The following DDX59 variants were observed in gnomAD, a reference collection of about 807,000 sequenced individuals.
The protein encoded by DDX59 is DEAD-box helicase 59.
A neutral mutation model predicts 51.9 loss-of-function variants in DDX59; 30 were observed. The observed-to-expected ratio is 0.58, with a 90% CI of 0.43 to 0.78. The LOEUF (loss-of-function observed/expected upper bound fraction) is 0.78, where lower values mean the gene tolerates loss of function less well. Ranked by LOEUF, DDX59 falls within the 30% of genes least tolerant of loss-of-function variation. The pLI is 0.00. For missense variants in DDX59, 672 were observed against 730.8 expected (o/e 0.92, Z 0.93); for synonymous variants, 255 against 253.3 (o/e 1.01, Z -0.06).
chr1:200,649,488 G>A (rs1661510616), intron 5 of DDX59, among the ~76,000 whole-genome samples: 1 of 151,716 alleles, frequency 6.6e-6, no homozygotes, highest in Non-Finnish European at 1.5e-5. Flanking sequence ...AATTAGCCAC[G>A]CATGGTGGCA....
rs372512251 is a variant in DDX59, at chr1:200,650,613, T to C, written c.1126A>G (p.Asn376Asp). 5 of 1,613,922 alleles carry C rather than the reference T, an allele frequency of 3.1e-6. No individual in the cohort carries two copies. The African/African-American group carries it at 6.7e-5, about 22-fold the overall frequency. ...GAAACCAAAATGGTCTGACAATCAT[T>C]AGGAATGTTTTCCAAAATGTCAAGC... is the stretch of plus-strand genomic sequence containing the variant. The part of the protein sequence containing the change: ...QVLDILENIP[N>D]DCQTILVSAT... The change falls in exon 5 of 8, where the codon AAT becomes GAT. Residue 376 changes from asparagine to aspartate, a missense_variant. Physicochemically the swap from Asn to Asp is conservative, Grantham distance 23. Transcript: ENST00000331314.
chr1:200,651,110 A>G (rs1661632372), intron 4 of DDX59, among the ~76,000 whole-genome samples: 1 of 152,218 alleles, frequency 6.6e-6, no homozygotes, highest in African/African-American at 2.4e-5. Context: ...ATATGTATAT[A>G]CACTCAAGAA....
At chr1:200,651,722 C>T (rs1411351040) in intron 4 of DDX59, among the ~76,000 whole-genome samples, 1 of 152,130 alleles carries the variant, frequency 6.6e-6, no homozygotes, top group Non-Finnish European at 1.5e-5. Flanking sequence ...AAAGTTAGTG[C>T]TGCCAGCCGG....
chr1:200,646,974 A>G (rs1301943870), intron 7 of DDX59, among the ~76,000 whole-genome samples: 1 of 152,234 alleles, frequency 6.6e-6, no homozygotes, highest in Non-Finnish European at 1.5e-5. Context: ...ACATTATGCT[A>G]AGTAAAACAA....
intron 7 of DDX59, among the ~76,000 whole-genome samples, chr1:200,647,144 C>G (rs1303793785): frequency 6.6e-6 from 1 of 152,144 alleles, no homozygotes; most frequent in East Asian, 1.9e-4. Flanking sequence ...ATGTGGCATT[C>G]AGAGGTGATG....
rs534934664 is a variant in DDX59 at position 200,653,181 on chromosome 1, A to G, written c.1063-2505T>C. 8.1e-4 allele frequency among the ~76,000 whole-genome samples: 123 copies of G among 152,320 alleles called. No homozygotes were observed. The South Asian group carries it at 0.01, about 13-fold the overall frequency. ...GCATGCATCAAAGACTCTCAAAATC[A>G]TATCTCAGGCCACAACTGCTTCCCC... On this transcript the variant is annotated intron_variant, in intron 4 of 7. Transcript: ENST00000331314.
At chr1:200,643,452 G>A (rs1018479587), downstream of DDX59, among the ~76,000 whole-genome samples, 1 of 151,738 alleles carries the variant, frequency 6.6e-6, no homozygotes, top group East Asian at 1.9e-4. Flanking sequence ...GACCATCCTG[G>A]CTAACACAGT....
chr1:200,641,198 GC>G, downstream of DDX59: 1 of 1,304,704 alleles, frequency 7.7e-7, no homozygotes, highest in Non-Finnish European at 1.0e-6. Flanking sequence ...GTATAACAAG[GC>G]AATAAGAGAT....
chr1:200,662,194 C>T (rs1161742230), intron 3 of DDX59, among the ~76,000 whole-genome samples: 1 of 152,110 alleles, frequency 6.6e-6, no homozygotes, highest in Non-Finnish European at 1.5e-5. Context: ...CAAGCATGGA[C>T]TAATACACAA....
At chr1:200,652,198 G>C (rs553826266) in intron 4 of DDX59, among the ~76,000 whole-genome samples, 71 of 152,030 alleles carry the variant, frequency 4.7e-4, no homozygotes, top group Non-Finnish European at 9.9e-4. Context: ...TGTCGCACAG[G>C]CTGTAGTGTA....
rs143031313 is a variant in DDX59, at chr1:200,650,539, A to G, written c.1200T>C (p.His400=). 1 of 1,614,132 alleles carries G rather than the reference A, an allele frequency of 6.2e-7. No individual in the cohort carries two copies. The highest frequency in any genetic ancestry group is 8.5e-7 in the Non-Finnish European group (1 of 1,180,010). ...CTCCAGTGATAATTCTCACAGGATT[A>G]TGCAGAAGCTGGCTTGCTAGCTGTT... The part of the protein sequence containing the change: ...SIEQLASQLL[H]NPVRIITGEK... The change falls in exon 5 of 8, where the codon CAT becomes CAC. Residue 400 remains histidine, a synonymous_variant. Coordinates refer to ENST00000331314, the MANE Select transcript of DDX59 (RefSeq NM_001031725.6).
intron 7 of DDX59, among the ~76,000 whole-genome samples, chr1:200,645,347 C>G (rs927429118): frequency 6.6e-6 from 1 of 151,988 alleles, no homozygotes; most frequent in Non-Finnish European, 1.5e-5. Context: ...GGTGCAATGT[C>G]GGCTCACTGC....
rs761114437 is a variant in DDX59, at chr1:200,649,114, T to A, written c.1427A>T (p.His476Leu). ...CCTTTCTATTTGCGACTTCTCTGAA[T>A]GTATAGATATGCTTTTCAGCCCTGT... ...KITGLKSISIHSEKSQIERKN... is the reference protein window; with the variant it reads ...KITGLKSISILSEKSQIERKN... The change falls in exon 6 of 8, where the codon CAT becomes CTT. Residue 476 changes from histidine to leucine, a missense_variant. Coordinates refer to ENST00000331314, the MANE Select transcript of DDX59 (RefSeq NM_001031725.6). 1.3e-6 allele frequency: 2 copies of A among 1,572,194 alleles called. No homozygotes were observed. The highest frequency in any genetic ancestry group is 2.1e-5 in the Admixed American group (1 of 47,430).
In DDX59 at chr1:200,660,961, T is replaced by C. The variant is rs185592735; in HGVS notation, c.973-1845A>G. ...CCTAGCTCTATCCACTGGGAAGTCC[T>C]AGAAGCAGTGATAGTCCAATAGCAA... On this transcript the variant is annotated intron_variant, in intron 3 of 7. Coordinates refer to ENST00000331314, the MANE Select transcript of DDX59 (RefSeq NM_001031725.6). Among the ~76,000 whole-genome samples the C allele has an allele frequency of 3.3e-5, 5 of 152,328 alleles. No homozygotes were observed. The East Asian group carries it at 9.6e-4, about 29-fold the overall frequency.
downstream of DDX59, among the ~76,000 whole-genome samples, chr1:200,642,548 G>GCACCC (rs1464927449): frequency 6.6e-6 from 1 of 152,190 alleles, no homozygotes; most frequent in African/African-American, 2.4e-5. Context: ...CTGCATTGCT[G>GCACCC]CACCCCAGAC....
At chr1:200,644,879 GAAAAAGACTCCATCTCAAAAAAAAA>G (rs1043491011) in intron 7 of DDX59, among the ~76,000 whole-genome samples, 3 of 50,328 alleles carry the variant, frequency 6.0e-5, no homozygotes, top group African/African-American at 2.6e-4. Context: ...CTGGGTGGCA[GAAAAAGACTCCATCTCAAAAAAAAA>G]AAAAAAAAAA....
downstream of DDX59, chr1:200,641,388 C>CA (rs1558108873): frequency 1.5e-4 from 27 of 176,196 alleles, no homozygotes; most frequent in Non-Finnish European, 2.1e-4. Flanking sequence ...GTTATGAAAC[C>CA]AAAAAAACTA....
downstream of DDX59, among the ~76,000 whole-genome samples, chr1:200,643,476 T>C (rs530911086): frequency 5.9e-5 from 9 of 151,390 alleles, no homozygotes; most frequent in African/African-American, 1.9e-4. Flanking sequence ...ACCCCATCTC[T>C]ACTAAAAATA....
At chr1:200,647,908 A>G (rs1326392590) in intron 7 of DDX59, among the ~76,000 whole-genome samples, 4 of 151,194 alleles carry the variant, frequency 2.6e-5, no homozygotes, top group African/African-American at 7.3e-5. Context: ...TGGGAGGCGC[A>G]GGTTGCAGTG....
Sources: allele counts gnomAD v4.1 joint callset (sites outside exome capture counted in the v4.1 genomes callset), GRCh38; gene constraint gnomAD v4.1.1; transcripts MANE v1.5; gene names NCBI Gene and HGNC (gene_info 2026-07-23, HGNC 2026-07-21).